ZBTB20: variants seen among roughly 807,000 people sequenced by gnomAD.
The protein encoded by ZBTB20 is zinc finger and BTB domain-containing protein 20.
Under a neutral mutation model 56.9 loss-of-function variants are expected in ZBTB20, and 9 were observed. That is an observed-to-expected ratio of 0.16 (90% CI 0.10 to 0.28). The LOEUF is 0.28. Ranked by LOEUF, ZBTB20 falls within the 10% of genes least tolerant of loss-of-function variation. The probability of loss-of-function intolerance (pLI) is 1.00; values close to 1 mark genes in which losing one functional copy is unlikely to be tolerated. For missense variants in ZBTB20, 655 were observed against 1,003.0 expected (o/e 0.65, Z 4.69); for synonymous variants, 417 against 420.7 (o/e 0.99, Z 0.11).
intron 3 of ZBTB20, among the ~76,000 whole-genome samples, chr3:114,911,748 A>G (rs938113990): frequency 3.3e-5 from 5 of 151,960 alleles, no homozygotes; most frequent in African/African-American, 1.2e-4. Flanking sequence ...CTGAAAAAGC[A>G]TGATGAAAGT....
At chr3:114,631,460 T>G (rs1431013434) in intron 6 of ZBTB20, among the ~76,000 whole-genome samples, 5 of 127,074 alleles carry the variant, frequency 3.9e-5, no homozygotes, top group Non-Finnish European at 1.6e-5. Context: ...TGGTGCAATC[T>G]TGGCTCACTG....
intron 5 of ZBTB20, among the ~76,000 whole-genome samples, chr3:114,710,608 T>A (rs187870866): frequency 1.3e-5 from 2 of 152,170 alleles, no homozygotes; most frequent in Non-Finnish European, 2.9e-5. Context: ...TAAAACCACA[T>A]TGAGACCCTC....
intron 5 of ZBTB20, among the ~76,000 whole-genome samples, chr3:114,765,203 A>G (rs116724379): frequency 2.0e-5 from 3 of 152,262 alleles, no homozygotes; most frequent in Non-Finnish European, 4.4e-5. Context: ...GTTCATAATT[A>G]TTATGGGTTT....
At chr3:114,385,204 C>A (rs1266194807) in intron 8 of ZBTB20, among the ~76,000 whole-genome samples, 1 of 152,110 alleles carries the variant, frequency 6.6e-6, no homozygotes, top group East Asian at 1.9e-4. Context: ...GTGATGCCTC[C>A]CCCAATCTTA....
chr3:114,911,538 TA>T (rs1159496866), intron 3 of ZBTB20, among the ~76,000 whole-genome samples: 1 of 151,978 alleles, frequency 6.6e-6, no homozygotes, highest in Non-Finnish European at 1.5e-5. Context: ...AATAATTCAT[TA>T]AAAAATTAGT....
intron 5 of ZBTB20, among the ~76,000 whole-genome samples, chr3:114,785,174 G>C (rs1177393714): frequency 6.6e-6 from 1 of 152,162 alleles, no homozygotes; most frequent in Non-Finnish European, 1.5e-5. Flanking sequence ...AGATCCTTCA[G>C]CTGAAATAGG....
At chr3:114,771,897 T>G (rs1331473834) in intron 5 of ZBTB20, among the ~76,000 whole-genome samples, 1 of 152,208 alleles carries the variant, frequency 6.6e-6, no homozygotes. Context: ...TCCTAACTAT[T>G]GCATCCTTAG....
At chr3:115,082,566 G>A (rs1422788110) in intron 1 of ZBTB20, among the ~76,000 whole-genome samples, 1 of 152,020 alleles carries the variant, frequency 6.6e-6, no homozygotes, top group Non-Finnish European at 1.5e-5. Flanking sequence ...CAAACGGACG[G>A]GAAAGAAAGC....
chr3:115,116,753 C>G (rs1038923056), intron 1 of ZBTB20, among the ~76,000 whole-genome samples: 9 of 151,664 alleles, frequency 5.9e-5, no homozygotes, highest in Non-Finnish European at 1.2e-4. Context: ...AAAAAGAGAG[C>G]AAGAGAAAGA....
chr3:114,867,089 GC>G (rs1339636863), intron 4 of ZBTB20, among the ~76,000 whole-genome samples: 2 of 152,132 alleles, frequency 1.3e-5, no homozygotes, highest in African/African-American at 4.8e-5. Context: ...GGATGAAAAA[GC>G]CCCCTTCAGT....
rs943943268 is a variant in ZBTB20 at position 114,320,466 on chromosome 3, C to T, written c.*18539G>A. 1 of 152,068 alleles carries T rather than the reference C, an allele frequency of 6.6e-6. No individual in the cohort carries two copies. The highest frequency in any genetic ancestry group is 1.5e-5 in the Non-Finnish European group (1 of 68,004). 9.4% of individuals were successfully genotyped at this position (152,068 alleles called of 1,614,324 possible). A position where few individuals can be genotyped will look rare whatever the true frequency, so the allele number is the denominator to read the frequency against. On this transcript the variant is annotated 3_prime_UTR_variant, in exon 12 of 12. Transcript: ENST00000675478. Reference sequence around the variant, plus strand: ...ATATCAAAGAAAACAAATAGACAAACAAGAATTATAGAACATAAGTATGAA... The same window carrying T: ...ATATCAAAGAAAACAAATAGACAAATAAGAATTATAGAACATAAGTATGAA...
At chr3:114,427,306 A>C (rs756176027) in intron 7 of ZBTB20, among the ~76,000 whole-genome samples, 11 of 152,218 alleles carry the variant, frequency 7.2e-5, no homozygotes, top group Non-Finnish European at 1.5e-4. Context: ...AGACACTAGC[A>C]AAGTCTCATA....
chr3:114,415,200 T>A (rs1033595872), intron 7 of ZBTB20, among the ~76,000 whole-genome samples: 1 of 152,126 alleles, frequency 6.6e-6, no homozygotes, highest in Non-Finnish European at 1.5e-5. Context: ...GGCATAGGGA[T>A]GTGGCACTGC....
intron 2 of ZBTB20, among the ~76,000 whole-genome samples, chr3:114,985,597 C>T (rs946841379): frequency 3.9e-5 from 6 of 152,036 alleles, no homozygotes; most frequent in Non-Finnish European, 5.9e-5. Flanking sequence ...TTGAATGGAA[C>T]TGAATGAAAG....
At chr3:114,710,556 G>T (rs2064002421) in intron 5 of ZBTB20, among the ~76,000 whole-genome samples, 1 of 152,142 alleles carries the variant, frequency 6.6e-6, no homozygotes. Flanking sequence ...AGTGGCTGGG[G>T]TGAAATGCCT....
chr3:115,092,085 A>T (rs2083218086), intron 1 of ZBTB20, among the ~76,000 whole-genome samples: 1 of 152,156 alleles, frequency 6.6e-6, no homozygotes, highest in Non-Finnish European at 1.5e-5. Context: ...TTGTTAAAGA[A>T]TTTTTTATAT....
intron 7 of ZBTB20, among the ~76,000 whole-genome samples, chr3:114,418,857 T>G (rs1315005201): frequency 1.3e-5 from 2 of 152,106 alleles, no homozygotes; most frequent in Non-Finnish European, 2.9e-5. Flanking sequence ...CACATATTGG[T>G]TGCTGTGGAT....
chr3:114,849,384 T>C (rs961918520), intron 4 of ZBTB20, among the ~76,000 whole-genome samples: 4 of 152,220 alleles, frequency 2.6e-5, no homozygotes, highest in African/African-American at 7.2e-5. Context: ...TGGCTCTATA[T>C]AAGCTAGTTC....
intron 10 of ZBTB20, among the ~76,000 whole-genome samples, chr3:114,362,664 A>G (rs2082010204): frequency 1.3e-5 from 2 of 152,190 alleles, no homozygotes; most frequent in Admixed American, 1.3e-4. Flanking sequence ...GATTTCTGAT[A>G]CATGCCATGC....
Sources: gnomAD v4.1 joint callset for allele counts (sites outside exome capture counted in the v4.1 genomes callset) on GRCh38, gnomAD v4.1.1 for gene constraint, MANE v1.5 for transcripts, NCBI Gene and HGNC (gene_info 2026-07-23, HGNC 2026-07-21) for gene names.